The following ADGRL1 variants were observed in gnomAD, a reference collection of about 807,000 sequenced individuals.
ADGRL1 encodes CIRL-1.
ADGRL1 carries 31 observed loss-of-function variants against 148.9 expected under a neutral mutation model. The ratio of observed to expected loss-of-function variants is 0.21; its 90% CI spans 0.16 to 0.28. The LOEUF (loss-of-function observed/expected upper bound fraction) is 0.28, where lower values mean the gene tolerates loss of function less well. Among genes scored for constraint, ADGRL1 ranks in the 10% least tolerant of loss-of-function variants. The probability of loss-of-function intolerance (pLI) is 1.00; values close to 1 mark genes in which losing one functional copy is unlikely to be tolerated. For missense variants in ADGRL1, 1,521 were observed against 2,058.8 expected, an observed-to-expected ratio of 0.74 and a Z score of 5.05; for synonymous variants, 937 against 900.3, an observed-to-expected ratio of 1.04 and a Z score of -0.73.
intron 4 of ADGRL1, chr19:14,166,974 A>G: frequency 1.9e-6 from 3 of 1,606,332 alleles, no homozygotes; most frequent in African/African-American, 2.7e-5. Flanking sequence ...CAGGTAGAAC[A>G]AAGTGTGAGT....
At chr19:14,183,191 CACAG>C (rs1971319449) in intron 2 of ADGRL1, among the ~76,000 whole-genome samples, 1 of 79,098 alleles carries the variant, frequency 1.3e-5, no homozygotes, top group South Asian at 5.9e-4. Context: ...AAGATGTAAT[CACAG>C]AGAGAGAGAG....
rs1379460377 is a variant in ADGRL1, at chr19:14,151,494, C to A, written c.3789G>T (p.Pro1263=). The part of the protein sequence containing the change: ...DFPPGDGGPE[P]PRGRNLADAA... ...CATCGGCTAGGTTCCGGCCTCGGGGCGGCTCAGGGCCCCCATCCCCGGGAG... is the reference window on the plus strand; with the variant it reads ...CATCGGCTAGGTTCCGGCCTCGGGGAGGCTCAGGGCCCCCATCCCCGGGAG... Residue 1263 remains proline (P), a synonymous_variant, in exon 23 of 23, where the codon CCG becomes CCT. Transcript: ENST00000361434. The A allele has an allele frequency of 6.2e-7, 1 of 1,610,832 alleles. No homozygotes were observed. Among genetic ancestry groups the A allele is most frequent in the Admixed American group, 1.7e-5 (1 of 59,350 alleles).
intron 1 of ADGRL1, 73 bp from the exon 2 acceptor site, chr19:14,183,770 G>T: frequency 1.6e-6 from 1 of 611,992 alleles, no homozygotes; most frequent in South Asian, 2.0e-5. Flanking sequence ...GCTGGTGGCT[G>T]AGTAGCTCTG....
intron 2 of ADGRL1, among the ~76,000 whole-genome samples, chr19:14,183,312 G>A (rs892810021): frequency 2.0e-5 from 3 of 151,974 alleles, no homozygotes; most frequent in Non-Finnish European, 4.4e-5. Flanking sequence ...ACCTGGCCCA[G>A]CCGACTTGTT....
rs752877972 is a variant in ADGRL1 at position 14,161,889 on chromosome 19, G to A, written c.1196-263C>T. Among the ~76,000 whole-genome samples, 21 of 152,186 alleles carry A rather than the reference G, an allele frequency of 1.4e-4. No individual in the cohort carries two copies. Among genetic ancestry groups the A allele is most frequent in the Non-Finnish European group, 2.6e-4 (18 of 68,026 alleles). On this transcript the variant is annotated intron_variant, in intron 5 of 22. Coordinates refer to ENST00000361434, the MANE Select transcript of ADGRL1 (RefSeq NM_014921.5). This position sits in a 1 kb window ranked among gnomAD's most constrained non-coding sequence, Gnocchi z 4.4. Reference sequence around the variant, plus strand: ...CATAAGGTCTGAGAGAACGGTCAGGGGAGAGGCAGGGACAGAGGTGTCTGG... The same window carrying A: ...CATAAGGTCTGAGAGAACGGTCAGGAGAGAGGCAGGGACAGAGGTGTCTGG...
At position 14,183,026 on chromosome 19, in the gene ADGRL1, G is replaced by A. The variant is rs146308996; in HGVS notation, c.70+507C>T. On this transcript the variant is annotated intron_variant, in intron 2 of 22. Coordinates refer to ENST00000361434, the MANE Select transcript of ADGRL1 (RefSeq NM_014921.5). ...GGCTGGTCACGGGGCCAGTAATCGAGTAATCGGTGAGGGTGGGCGGGCAGG... is the reference window on the plus strand; with the variant it reads ...GGCTGGTCACGGGGCCAGTAATCGAATAATCGGTGAGGGTGGGCGGGCAGG... Among the ~76,000 whole-genome samples, 984 of 152,242 alleles carry A rather than the reference G, an allele frequency of 6.5e-3. 6 individuals carry two copies. Among genetic ancestry groups the A allele is most frequent in the Middle Eastern group, 0.041 (12 of 294 alleles).
At chr19:14,179,966 T>G (rs1035239940) in intron 2 of ADGRL1, among the ~76,000 whole-genome samples, 1 of 152,092 alleles carries the variant, frequency 6.6e-6, no homozygotes, top group African/African-American at 2.4e-5. Flanking sequence ...TAACAGGACT[T>G]GGGGCAGGAG....
At chr19:14,183,416 G>A in intron 2 of ADGRL1, 117 bp downstream of exon 2, 5 of 937,796 alleles carry the variant, frequency 5.3e-6, no homozygotes, top group Non-Finnish European at 6.4e-6. Context: ...GAGGTCTGGG[G>A]CGGGGCAGGG....
intron 3 of ADGRL1, among the ~76,000 whole-genome samples, chr19:14,172,289 G>T (rs1342793189): frequency 6.6e-6 from 1 of 152,174 alleles, no homozygotes; most frequent in Non-Finnish European, 1.5e-5. Flanking sequence ...AGGCGTGGTG[G>T]TGCATGTCTG....
At chr19:14,174,535 ATTT>A (rs35665946) in intron 3 of ADGRL1, among the ~76,000 whole-genome samples, 3 of 136,620 alleles carry the variant, frequency 2.2e-5, no homozygotes, top group Admixed American at 1.5e-4. Flanking sequence ...GGTAACACAC[ATTT>A]TTTTTTTTTT....
chr19:14,194,201 G>A (rs1160321845), intron 1 of ADGRL1, among the ~76,000 whole-genome samples: 1 of 152,208 alleles, frequency 6.6e-6, no homozygotes, highest in African/African-American at 2.4e-5. Flanking sequence ...AATAGAGCAA[G>A]ACCTCATCTC....
intron 4 of ADGRL1, among the ~76,000 whole-genome samples, chr19:14,167,450 G>T (rs903992382): frequency 6.6e-6 from 1 of 152,112 alleles, no homozygotes; most frequent in African/African-American, 2.4e-5. Context: ...GGGGCACCAG[G>T]GAGTGGTGGG....
At position 14,152,526 on chromosome 19, in the gene ADGRL1, G is replaced by C. The variant is rs750504507; in HGVS notation, c.3511C>G (p.Leu1171Val). The change falls in exon 20 of 23, where the codon CTG becomes GTG. Residue 1171 changes from leucine (L) to valine (V), a missense_variant. Physicochemically the swap from Leu to Val is conservative, Grantham distance 32. This residue lies in a region of ADGRL1 where 47 missense variants were observed against 64.6 expected (regional missense o/e 0.73). Coordinates refer to ENST00000361434, the MANE Select transcript of ADGRL1 (RefSeq NM_014921.5). The surrounding 1 kb of genome is among the most constrained non-coding windows in gnomAD (Gnocchi z 6.1). ...MAGDINSTPT[L>V]NRGTMGNHLL... The stretch of plus-strand genomic sequence containing the variant: ...AAGGATGCCTTCTCACCTCGGTTCA[G>C]GGTGGGGGTGCTGTTGATGTCACCC... 9 of 1,614,108 alleles carry C rather than the reference G, an allele frequency of 5.6e-6. No homozygotes were observed. The Admixed American group carries it at 8.3e-5, about 15-fold the overall frequency.
At chr19:14,204,480 G>A (rs761368930) in intron 1 of ADGRL1, among the ~76,000 whole-genome samples, 1 of 152,058 alleles carries the variant, frequency 6.6e-6, no homozygotes, top group African/African-American at 2.4e-5. Context: ...AGTGGGGTCT[G>A]GGGTCAGGTT....
intron 2 of ADGRL1, among the ~76,000 whole-genome samples, chr19:14,183,193 C>CAGAGAGAG (rs3837937): frequency 0.034 from 4,931 of 145,270 alleles, 132 homozygotes; most frequent in African/African-American, 0.04. Flanking sequence ...GATGTAATCA[C>CAGAGAGAG]AGAGAGAGAG....
chr19:14,194,769 T>C (rs1331918301), intron 1 of ADGRL1, among the ~76,000 whole-genome samples: 1 of 151,076 alleles, frequency 6.6e-6, no homozygotes, highest in Admixed American at 6.6e-5. Context: ...CGCCTGGACG[T>C]TCTACACCTG....
In ADGRL1 at chr19:14,170,752, C is replaced by CGAG. The variant is rs1323445931; in HGVS notation, c.321_323dup (p.Ser108dup). 1 of 1,611,988 alleles carries CGAG rather than the reference C, an allele frequency of 6.2e-7. No homozygotes were observed. The highest frequency in any genetic ancestry group is 8.5e-7 in the Non-Finnish European group (1 of 1,178,986). Reference sequence around the variant, plus strand: ...CAGGACAGGGGTCAGGAAAGGCATCCGAGCCGGCGACCACCACGCACTGGG... The same window carrying CGAG: ...CAGGACAGGGGTCAGGAAAGGCATCCGAGGAGCCGGCGACCACCACGCACTGGG... On this transcript the variant is annotated inframe_insertion, in exon 4 of 23. Coordinates refer to ENST00000361434, the MANE Select transcript of ADGRL1 (RefSeq NM_014921.5).
At chr19:14,191,438 C>G (rs1417834844) in intron 1 of ADGRL1, 1 of 456,604 alleles carries the variant, frequency 2.2e-6, no homozygotes, top group Admixed American at 2.3e-5. Context: ...ATGCTCCTGG[C>G]ACACAGACAG....
chr19:14,197,437 G>T (rs368384988), intron 1 of ADGRL1, among the ~76,000 whole-genome samples: 3 of 151,458 alleles, frequency 2.0e-5, no homozygotes, highest in African/African-American at 7.3e-5. Context: ...AGGTCAGAAC[G>T]ATCTTTGCAA....
Sources: gnomAD v4.1 joint callset for allele counts (sites outside exome capture counted in the v4.1 genomes callset) on GRCh38, gnomAD v4.1.1 for gene constraint, gnomAD v4.1.1 regional missense constraint, Gnocchi (gnomAD v3.1) non-coding constraint, MANE v1.5 for transcripts, NCBI Gene and HGNC (gene_info 2026-07-23, HGNC 2026-07-21) for gene names.